UBE2H: variants seen among roughly 807,000 people sequenced by gnomAD.
UBE2H encodes ubiquitin-conjugating enzyme E2 H.
In UBE2H, 3 loss-of-function variants were observed where a neutral mutation model predicts 29.0. The observed-to-expected ratio is 0.10, with a 90% CI of 0.05 to 0.27. UBE2H has a LOEUF of 0.27. Ranked by LOEUF, UBE2H falls within the 10% of genes least tolerant of loss-of-function variation. The pLI is 1.00. For missense variants in UBE2H, 68 were observed against 228.2 expected (o/e 0.30, Z 4.52); for synonymous variants, 69 against 82.9 (o/e 0.83, Z 0.91).
rs745532822 is a variant in UBE2H at position 129,952,463 on chromosome 7, C to T, written c.53+40G>A. ...GGGTGCCCTGGGCATCCCCACACCGCCCCCCACACACAGCCCGAATTCCCC... is the reference window on the plus strand; with the variant it reads ...GGGTGCCCTGGGCATCCCCACACCGTCCCCCACACACAGCCCGAATTCCCC... On this transcript the variant is annotated intron_variant, in intron 1 of 6. Transcript: ENST00000355621. 6.2e-6 allele frequency: 10 copies of T among 1,604,682 alleles called. No homozygotes were observed. In the South Asian group the frequency reaches 7.7e-5, roughly 12 times the overall value.
intron 5 of UBE2H, among the ~76,000 whole-genome samples, chr7:129,842,709 C>T: frequency 6.6e-6 from 1 of 151,678 alleles, no homozygotes; most frequent in East Asian, 2.0e-4. Context: ...TTGAGACCAG[C>T]TTGGCCAACA....
chr7:129,912,093 G>C (rs1052923210), intron 1 of UBE2H, among the ~76,000 whole-genome samples: 3 of 152,164 alleles, frequency 2.0e-5, no homozygotes, highest in Non-Finnish European at 4.4e-5. Context: ...TGTTCCTTCA[G>C]TTTAGGGGTC....
chr7:129,844,696 A>G (rs1805482602), intron 5 of UBE2H, among the ~76,000 whole-genome samples: 1 of 152,232 alleles, frequency 6.6e-6, no homozygotes, highest in South Asian at 2.1e-4. Context: ...ATGAGCAAAC[A>G]GCTCTTACTT....
chr7:129,836,488 C>A (rs1245026873), intron 6 of UBE2H, among the ~76,000 whole-genome samples: 1 of 152,188 alleles, frequency 6.6e-6, no homozygotes, highest in Non-Finnish European at 1.5e-5. Flanking sequence ...GCCACACTGA[C>A]CCCCAAGTCC....
intron 1 of UBE2H, among the ~76,000 whole-genome samples, chr7:129,886,698 G>A (rs986899741): frequency 6.8e-6 from 1 of 145,990 alleles, no homozygotes; most frequent in African/African-American, 2.6e-5. Context: ...CTACTCTCCT[G>A]GAGATGAGTC....
intron 1 of UBE2H, among the ~76,000 whole-genome samples, chr7:129,886,175 G>T (rs1174045215): frequency 2.6e-5 from 4 of 151,968 alleles, no homozygotes; most frequent in South Asian, 2.1e-4. Context: ...CATCTTTTTT[G>T]ATCTTATTCA....
At chr7:129,941,594 A>T (rs1807643400) in intron 1 of UBE2H, among the ~76,000 whole-genome samples, 1 of 151,700 alleles carries the variant, frequency 6.6e-6, no homozygotes, top group Non-Finnish European at 1.5e-5. Context: ...AGTAATATTA[A>T]TTTTTTTTGA....
At chr7:129,884,392 G>A (rs1806316239) in intron 1 of UBE2H, among the ~76,000 whole-genome samples, 1 of 150,408 alleles carries the variant, frequency 6.6e-6, no homozygotes, top group Non-Finnish European at 1.5e-5. Context: ...ATTCCAGCCT[G>A]GGCGACAGAG....
intron 1 of UBE2H, among the ~76,000 whole-genome samples, chr7:129,886,783 A>T (rs1354596542): frequency 6.6e-6 from 1 of 151,418 alleles, no homozygotes; most frequent in Non-Finnish European, 1.5e-5. Context: ...AAAAAAAAAA[A>T]AAAAAAAAAA....
Position 129,830,916 on chromosome 7 carries a change from T to G in UBE2H, c.*4021A>C, listed in dbSNP as rs1226491260. ...GAGGAAAAATAAGCGATAAAAAGCT[T>G]CAGATTTCAGTTAGGGGCTGGCAGT... On this transcript the variant is annotated 3_prime_UTR_variant, in exon 7 of 7. Coordinates refer to ENST00000355621, the MANE Select transcript of UBE2H (RefSeq NM_003344.4). The G allele has an allele frequency of 1.3e-5, 2 of 150,496 alleles. No homozygotes were observed. The highest frequency in any genetic ancestry group is 2.5e-5 in the African/African-American group (1 of 40,728). The allele number at this position is 150,496 out of a possible 1,614,324, so 9.3% of individuals were successfully genotyped here.
chr7:129,950,070 T>C (rs1036201207), intron 1 of UBE2H, among the ~76,000 whole-genome samples: 25 of 152,204 alleles, frequency 1.6e-4, no homozygotes, highest in Non-Finnish European at 2.8e-4. Context: ...CAAAAATTGT[T>C]GGCTCCATTT....
At chr7:129,926,088 A>C (rs1584790320) in intron 1 of UBE2H, among the ~76,000 whole-genome samples, 1 of 152,244 alleles carries the variant, frequency 6.6e-6, no homozygotes, top group African/African-American at 2.4e-5. Flanking sequence ...TAACAAATCC[A>C]ATCTGTGACT....
At chr7:129,840,709 C>T (rs1805413696) in intron 5 of UBE2H, among the ~76,000 whole-genome samples, 1 of 152,192 alleles carries the variant, frequency 6.6e-6, no homozygotes, top group Non-Finnish European at 1.5e-5. Context: ...GTCTCTGCCC[C>T]ACTCCAGCTG....
chr7:129,860,396 G>A (rs1485035711), intron 3 of UBE2H, among the ~76,000 whole-genome samples: 1 of 152,196 alleles, frequency 6.6e-6, no homozygotes, highest in Non-Finnish European at 1.5e-5. Context: ...ATGTTTCAAA[G>A]TCTAGATTTA....
At chr7:129,929,820 G>A (rs1027420524) in intron 1 of UBE2H, among the ~76,000 whole-genome samples, 4 of 152,126 alleles carry the variant, frequency 2.6e-5, no homozygotes, top group Non-Finnish European at 4.4e-5. Flanking sequence ...GACCAGCCTG[G>A]CCAACATGGT....
At chr7:129,885,472 G>A (rs1007862484) in intron 1 of UBE2H, among the ~76,000 whole-genome samples, 1 of 152,066 alleles carries the variant, frequency 6.6e-6, no homozygotes, top group Non-Finnish European at 1.5e-5. Context: ...CCTTTACCTG[G>A]ATGCGATAAA....
chr7:129,863,008 G>A (rs1020133317), intron 3 of UBE2H, among the ~76,000 whole-genome samples: 1 of 152,164 alleles, frequency 6.6e-6, no homozygotes, highest in African/African-American at 2.4e-5. Flanking sequence ...CTGAGGCCAC[G>A]GGGCATTTAA....
chr7:129,854,062 T>TTTTTTTTTTTTTTTATTTTA (rs1347240903), intron 5 of UBE2H, among the ~76,000 whole-genome samples: 1 of 81,474 alleles, frequency 1.2e-5, no homozygotes, highest in Non-Finnish European at 2.4e-5. Context: ...TAGTGTTAGT[T>TTTTTTTTTTTTTTTATTTTA]TTTTTTTTTT....
At chr7:129,941,292 G>A (rs895862584) in intron 1 of UBE2H, among the ~76,000 whole-genome samples, 3 of 151,394 alleles carry the variant, frequency 2.0e-5, no homozygotes, top group African/African-American at 7.3e-5. Context: ...AGCAATGCCC[G>A]GCTAATTTTT....
Sources: gnomAD v4.1 joint callset for allele counts (sites outside exome capture counted in the v4.1 genomes callset) on GRCh38, gnomAD v4.1.1 for gene constraint, MANE v1.5 for transcripts, NCBI Gene and HGNC (gene_info 2026-07-23, HGNC 2026-07-21) for gene names.